MYO3B: variants seen among roughly 807,000 people sequenced by gnomAD.
MYO3B encodes myosin-IIIb.
A neutral mutation model predicts 174.6 loss-of-function variants in MYO3B; 156 were observed. That is an observed-to-expected ratio of 0.89 (90% CI 0.78 to 1.02). The LOEUF is 1.02. MYO3B is among the 50% of genes least tolerant of loss of function. The pLI is 0.00. For missense variants in MYO3B, 1,632 were observed against 1,639.4 expected (o/e 1.00, Z 0.08); for synonymous variants, 563 against 569.1 (o/e 0.99, Z 0.15).
chr2:170,280,268 A>G (rs763495365), intron 7 of MYO3B, among the ~76,000 whole-genome samples: 5 of 152,006 alleles, frequency 3.3e-5, no homozygotes, highest in Non-Finnish European at 7.4e-5. Flanking sequence ...CTTATTTTGA[A>G]AAGTGTCTGT....
At position 170,178,290 on chromosome 2, in the gene MYO3B, G is replaced by A. The variant is rs774942337; in HGVS notation, c.2+1G>A. The A allele has an allele frequency of 3.1e-6, 5 of 1,614,174 alleles. No individual in the cohort carries two copies. Among genetic ancestry groups the A allele is most frequent in the Admixed American group, 3.3e-5 (2 of 60,016 alleles). ...CGGATTCAGAAAATAGGTCATCGAT[G>A]TGAGTTGCAGTTATTTTCCTTCCAG... On this transcript the variant is annotated splice_donor_variant, in intron 1 of 34. Coordinates refer to ENST00000408978, the MANE Select transcript of MYO3B (RefSeq NM_138995.5). LOFTEE classifies it high-confidence loss of function.
chr2:170,279,579 A>G (rs1317951746), intron 7 of MYO3B, among the ~76,000 whole-genome samples: 1 of 152,020 alleles, frequency 6.6e-6, no homozygotes. Flanking sequence ...TAAGCCCAGT[A>G]CCCAATAGTT....
chr2:170,303,255 G>A (rs2093678015), intron 7 of MYO3B, among the ~76,000 whole-genome samples: 1 of 151,942 alleles, frequency 6.6e-6, no homozygotes, highest in African/African-American at 2.4e-5. Flanking sequence ...CAAAGAGATG[G>A]GCATTTAGAA....
intron 32 of MYO3B, among the ~76,000 whole-genome samples, chr2:170,650,778 G>A (rs946595766): frequency 6.8e-6 from 1 of 147,002 alleles, no homozygotes; most frequent in East Asian, 2.0e-4. Flanking sequence ...CCACCTCCCG[G>A]GTTCAAGCTA....
intron 7 of MYO3B, among the ~76,000 whole-genome samples, chr2:170,296,940 G>A (rs988431494): frequency 6.6e-6 from 1 of 152,126 alleles, no homozygotes; most frequent in Non-Finnish European, 1.5e-5. Flanking sequence ...CAGCATCAAA[G>A]GAGGTTGGTG....
In MYO3B at chr2:170,546,463, T is replaced by C. The variant is rs112000725; in HGVS notation, c.3733+2475T>C. Among the ~76,000 whole-genome samples the C allele has an allele frequency of 5.8e-4, 89 of 152,352 alleles. 1 individual carries two copies. Among genetic ancestry groups the C allele is most frequent in the African/African-American group, 2.0e-3 (82 of 41,578 alleles). On this transcript the variant is annotated intron_variant, in intron 32 of 34. Coordinates refer to ENST00000408978, the MANE Select transcript of MYO3B (RefSeq NM_138995.5). ...ACAATCCTAGAACAAAGTAAATGTT[T>C]CTGAGGCAAGCTCCAAATAGATATA...
intron 9 of MYO3B, among the ~76,000 whole-genome samples, chr2:170,377,421 A>G (rs2094302352): frequency 6.6e-6 from 1 of 152,046 alleles, no homozygotes; most frequent in African/African-American, 2.4e-5. Flanking sequence ...CCCAGCCTCT[A>G]CCTCTGGCTC....
intron 25 of MYO3B, among the ~76,000 whole-genome samples, chr2:170,490,432 G>A (rs1027893138): frequency 5.9e-5 from 9 of 152,098 alleles, no homozygotes; most frequent in Admixed American, 1.3e-4. Context: ...ACTAGTTATG[G>A]TAGCTTTTTC....
intron 32 of MYO3B, among the ~76,000 whole-genome samples, chr2:170,549,956 A>T (rs1263076330): frequency 1.3e-5 from 2 of 152,188 alleles, no homozygotes; most frequent in African/African-American, 4.8e-5. Context: ...CCTACAACAG[A>T]GTCTCAAAGG....
intron 25 of MYO3B, among the ~76,000 whole-genome samples, chr2:170,487,140 C>G (rs75649290): frequency 5.9e-5 from 9 of 152,154 alleles, no homozygotes; most frequent in Non-Finnish European, 1.5e-5. Context: ...GTTTCAGAGA[C>G]CCTGCTAAGT....
intron 7 of MYO3B, among the ~76,000 whole-genome samples, chr2:170,242,591 A>G (rs1355733290): frequency 2.0e-5 from 3 of 152,158 alleles, no homozygotes; most frequent in Non-Finnish European, 4.4e-5. Flanking sequence ...GGCAGGGAGA[A>G]TTTAGCTTTG....
At chr2:170,213,242 G>A (rs2092791214) in intron 3 of MYO3B, among the ~76,000 whole-genome samples, 1 of 152,134 alleles carries the variant, frequency 6.6e-6, no homozygotes, top group Non-Finnish European at 1.5e-5. Context: ...TTATTCCGCC[G>A]GGAGCATCGG....
At chr2:170,643,052 T>C (rs770507065) in intron 32 of MYO3B, among the ~76,000 whole-genome samples, 13 of 151,160 alleles carry the variant, frequency 8.6e-5, no homozygotes, top group Non-Finnish European at 1.5e-4. Flanking sequence ...AAAAAATCCA[T>C]GTCCAGGCTT....
At chr2:170,249,970 A>C (rs1208574078) in intron 7 of MYO3B, among the ~76,000 whole-genome samples, 2 of 152,346 alleles carry the variant, frequency 1.3e-5, no homozygotes, top group Middle Eastern at 3.4e-3. Flanking sequence ...TTCTCCTCCT[A>C]TGACAAGCTC....
intron 22 of MYO3B, among the ~76,000 whole-genome samples, chr2:170,439,364 T>G (rs2094782275): frequency 6.6e-6 from 1 of 151,442 alleles, no homozygotes; most frequent in Admixed American, 6.6e-5. Flanking sequence ...AAAGAAAGAC[T>G]CCATCTCAAA....
chr2:170,424,549 G>A (rs2094645771), intron 22 of MYO3B, among the ~76,000 whole-genome samples: 1 of 151,998 alleles, frequency 6.6e-6, no homozygotes, highest in African/African-American at 2.4e-5. Flanking sequence ...CCAGGGAGGT[G>A]GAGGTTGCAG....
At chr2:170,339,444 G>A (rs543128022) in intron 8 of MYO3B, among the ~76,000 whole-genome samples, 17 of 152,214 alleles carry the variant, frequency 1.1e-4, no homozygotes, top group African/African-American at 2.9e-4. Flanking sequence ...AAAAGATTTC[G>A]TATTGACTGC....
intron 1 of MYO3B, among the ~76,000 whole-genome samples, chr2:170,193,825 A>C (rs1242969194): frequency 6.6e-6 from 1 of 152,100 alleles, no homozygotes; most frequent in African/African-American, 2.4e-5. Flanking sequence ...TTGCTTGGTT[A>C]CCTTAATTTT....
intron 32 of MYO3B, among the ~76,000 whole-genome samples, chr2:170,619,734 A>ATTTTTTTTT (rs1553539465): frequency 1.6e-3 from 55 of 33,510 alleles, no homozygotes; most frequent in Admixed American, 3.6e-3. Context: ...CTGCTGCCAT[A>ATTTTTTTTT]TTCTTTTTTT....
Sources: gnomAD v4.1 joint callset for allele counts (sites outside exome capture counted in the v4.1 genomes callset) on GRCh38, gnomAD v4.1.1 for gene constraint, MANE v1.5 for transcripts, NCBI Gene and HGNC (gene_info 2026-07-23, HGNC 2026-07-21) for gene names.